The following CDIN1 variants were observed in gnomAD, a reference collection of about 807,000 sequenced individuals.
The protein encoded by CDIN1 is CDAN1 interacting nuclease 1, also known as CDAN1-interacting nuclease 1.
Under a neutral mutation model 45.3 loss-of-function variants are expected in CDIN1, and 33 were observed. That is an observed-to-expected ratio of 0.73 (90% CI 0.55 to 0.97). The LOEUF (loss-of-function observed/expected upper bound fraction) is 0.97, where lower values mean the gene tolerates loss of function less well. Among genes scored for constraint, CDIN1 ranks in the 50% least tolerant of loss-of-function variants. CDIN1 has a pLI of 0.00. For missense variants in CDIN1, 303 were observed against 339.4 expected (o/e 0.89, Z 0.84); for synonymous variants, 118 against 124.4 (o/e 0.95, Z 0.34).
chr15:36,655,023 C>T (rs1007367180), intron 4 of CDIN1, among the ~76,000 whole-genome samples: 1 of 152,110 alleles, frequency 6.6e-6, no homozygotes, highest in Non-Finnish European at 1.5e-5. Flanking sequence ...TGTGTGTTTG[C>T]ATTAAAGATG....
intron 10 of CDIN1, among the ~76,000 whole-genome samples, chr15:36,759,739 G>C (rs1487981111): frequency 6.6e-6 from 1 of 152,132 alleles, no homozygotes; most frequent in Non-Finnish European, 1.5e-5. Context: ...GCATGACTGG[G>C]GAGGCTTCCA....
At position 36,808,327 on chromosome 15, in the gene CDIN1, TG is replaced by T. The variant is rs2141158967; in HGVS notation, c.723del (p.Pro242GlnfsTer3). On this transcript the variant is annotated frameshift_variant, in exon 11 of 11. Coordinates refer to ENST00000566621, the MANE Select transcript of CDIN1 (RefSeq NM_001321759.2). LOFTEE classifies it high-confidence loss of function. ...DQFWSYWNRF[G>X]PGLVIYWYGF... ...TTATTTTCTGGTGTTTTTACAGATTTGGGCCAGGCTTAGTCATCTATTGGTA... is the reference window on the plus strand; with the variant it reads ...TTATTTTCTGGTGTTTTTACAGATTTGGCCAGGCTTAGTCATCTATTGGTA... The T allele has an allele frequency of 6.2e-7, 1 of 1,613,370 alleles. No homozygotes were observed. Among genetic ancestry groups the T allele is most frequent in the Non-Finnish European group, 8.5e-7 (1 of 1,179,474 alleles).
At chr15:36,775,276 C>G (rs1403468783) in intron 10 of CDIN1, among the ~76,000 whole-genome samples, 1 of 152,224 alleles carries the variant, frequency 6.6e-6, no homozygotes, top group Non-Finnish European at 1.5e-5. Flanking sequence ...GCTGTAATCT[C>G]TCGTCTAGTT....
chr15:36,665,033 G>A (rs1183117278), intron 5 of CDIN1, among the ~76,000 whole-genome samples: 1 of 152,154 alleles, frequency 6.6e-6, no homozygotes, highest in African/African-American at 2.4e-5. Flanking sequence ...TTTGAAATGT[G>A]TTGGCCTAGA....
At chr15:36,650,933 C>T (rs969583677) in intron 3 of CDIN1, among the ~76,000 whole-genome samples, 4 of 151,896 alleles carry the variant, frequency 2.6e-5, no homozygotes, top group African/African-American at 4.8e-5. Flanking sequence ...TGTGGTGGCA[C>T]GCTCCTGTAG....
intron 1 of CDIN1, among the ~76,000 whole-genome samples, chr15:36,594,065 C>T (rs1052258588): frequency 6.6e-6 from 1 of 152,098 alleles, no homozygotes; most frequent in Non-Finnish European, 1.5e-5. Context: ...CTTATTTTTG[C>T]AGTTCTGCTA....
At chr15:36,592,857 T>C (rs2037645874) in intron 1 of CDIN1, among the ~76,000 whole-genome samples, 1 of 152,180 alleles carries the variant, frequency 6.6e-6, no homozygotes, top group African/African-American at 2.4e-5. Context: ...AGTGATTCTT[T>C]CCTTTCTGTT....
chr15:36,796,889 C>G (rs1347509569), intron 10 of CDIN1, among the ~76,000 whole-genome samples: 2 of 152,310 alleles, frequency 1.3e-5, no homozygotes, highest in Non-Finnish European at 2.9e-5. Context: ...TTGAAGTTCA[C>G]ATATTTGCAT....
At chr15:36,588,694 A>G (rs772077101) in intron 1 of CDIN1, among the ~76,000 whole-genome samples, 1 of 145,382 alleles carries the variant, frequency 6.9e-6, no homozygotes, top group Non-Finnish European at 1.5e-5. Context: ...TATTATTATT[A>G]TTTTTTTACT....
chr15:36,727,850 G>A (rs987096412), intron 10 of CDIN1, among the ~76,000 whole-genome samples: 1 of 152,096 alleles, frequency 6.6e-6, no homozygotes, highest in Non-Finnish European at 1.5e-5. Flanking sequence ...TTATAAGTAG[G>A]ACACGTAATA....
intron 10 of CDIN1, among the ~76,000 whole-genome samples, chr15:36,710,647 C>G (rs947893771): frequency 1.3e-5 from 2 of 152,178 alleles, no homozygotes; most frequent in Non-Finnish European, 2.9e-5. Context: ...TTGTCATTTA[C>G]AATACAACCT....
chr15:36,708,445 A>G (rs2042944770), intron 8 of CDIN1: 1 of 141,816 alleles, frequency 7.1e-6, no homozygotes, highest in African/African-American at 2.7e-5. Flanking sequence ...CAGCATTTAG[A>G]AAATATTGGT....
intron 10 of CDIN1, among the ~76,000 whole-genome samples, chr15:36,715,148 G>A (rs144808044): frequency 1.3e-5 from 2 of 152,276 alleles, no homozygotes; most frequent in African/African-American, 2.4e-5. Context: ...AGGAAATATG[G>A]TCTTGATCAC....
chr15:36,625,512 A>G (rs1335233417), intron 1 of CDIN1, among the ~76,000 whole-genome samples: 1 of 152,234 alleles, frequency 6.6e-6, no homozygotes, highest in Non-Finnish European at 1.5e-5. Context: ...TATTTTCTGT[A>G]TAAGCAAAAC....
At chr15:36,641,781 C>G (rs962630363) in intron 1 of CDIN1, 1 of 152,110 alleles carries the variant, frequency 6.6e-6, no homozygotes, top group Non-Finnish European at 1.5e-5. Context: ...AATCAACTCC[C>G]GTCCACCTTG....
At chr15:36,697,064 A>G (rs1207583506) in intron 7 of CDIN1, among the ~76,000 whole-genome samples, 1 of 151,490 alleles carries the variant, frequency 6.6e-6, no homozygotes, top group African/African-American at 2.4e-5. Flanking sequence ...GTTCAAGGTT[A>G]TAGTGAGCTA....
At chr15:36,691,316 C>A in intron 5 of CDIN1, 2 of 317,926 alleles carry the variant, frequency 6.3e-6, no homozygotes, top group East Asian at 1.9e-4. Flanking sequence ...TTAAACTCTT[C>A]ATATACATAT....
intron 10 of CDIN1, among the ~76,000 whole-genome samples, chr15:36,715,568 T>C (rs1269571594): frequency 6.6e-6 from 1 of 151,524 alleles, no homozygotes; most frequent in Non-Finnish European, 1.5e-5. Flanking sequence ...AGTATGTGCC[T>C]TAGCAATAGA....
chr15:36,692,254 A>G (rs2042284843), intron 7 of CDIN1, 79 bp downstream of exon 7: 4 of 1,363,476 alleles, frequency 2.9e-6, no homozygotes, highest in Non-Finnish European at 4.1e-6. Context: ...TTAACCTGAC[A>G]TAAAGTTCTG....
Sources: gnomAD v4.1 joint callset for allele counts (sites outside exome capture counted in the v4.1 genomes callset) on GRCh38, gnomAD v4.1.1 for gene constraint, MANE v1.5 for transcripts, NCBI Gene and HGNC (gene_info 2026-07-23, HGNC 2026-07-21) for gene names.